Variants in ACACB observed in about 807,000 individuals in gnomAD.
ACACB encodes acetyl-CoA carboxylase beta, also known as acetyl-CoA carboxylase 2.
In ACACB, 209 loss-of-function variants were observed where a neutral mutation model predicts 278.8. The observed-to-expected ratio is 0.75, with a 90% confidence interval of 0.67 to 0.84. The LOEUF (loss-of-function observed/expected upper bound fraction) is 0.84, where lower values mean the gene tolerates loss of function less well. Among genes scored for constraint, ACACB ranks in the 40% least tolerant of loss-of-function variants. ACACB has a pLI of 0.00. For missense variants in ACACB, 2,850 were observed against 3,269.0 expected (o/e 0.87, Z 3.13); for synonymous variants, 1,174 against 1,285.6 (o/e 0.91, Z 1.86).
At position 109,210,359 on chromosome 12, in the gene ACACB, A is replaced by G. The variant is rs139480118; in HGVS notation, c.3249+1006A>G. The stretch of plus-strand genomic sequence containing the variant: ...TATACACGCACACACATATCTGTGT[A>G]TATATGTATATACACGCACACACAT... On this transcript the variant is annotated intron_variant, in intron 21 of 52. Coordinates refer to ENST00000338432, the MANE Select transcript of ACACB (RefSeq NM_001093.4). 5.3e-3 allele frequency among the ~76,000 whole-genome samples: 652 copies of G among 122,798 alleles called. 47 individuals are homozygous for G. In the East Asian group the frequency reaches 0.066, roughly 12 times the overall value. 80.6% of individuals were successfully genotyped at this position (122,798 alleles called of 152,430 possible). A position where few individuals can be genotyped will look rare whatever the true frequency, so the allele number is the denominator to read the frequency against.
chr12:109,121,065 A>T (rs2042537136), intron 1 of ACACB, among the ~76,000 whole-genome samples: 2 of 152,020 alleles, frequency 1.3e-5, no homozygotes. Context: ...TCAGCCTCCC[A>T]AGTAGCTGGG....
chr12:109,211,659 C>T (rs142438046), intron 21 of ACACB, among the ~76,000 whole-genome samples: 74 of 152,204 alleles, frequency 4.9e-4, no homozygotes, highest in Admixed American at 1.2e-3. Flanking sequence ...GGAGAGTGAG[C>T]GCTAATGACT....
intron 19 of ACACB, among the ~76,000 whole-genome samples, chr12:109,204,271 C>CTTTTTT (rs58720572): frequency 2.1e-5 from 2 of 93,144 alleles, no homozygotes; most frequent in Non-Finnish European, 2.0e-5. Flanking sequence ...AATACTATAT[C>CTTTTTT]TTTTTTTTTT....
chr12:109,225,911 G>GT lies in ACACB; in HGVS notation c.3883-1460_3883-1459insT, dbSNP rs2046299938. 4.6e-5 allele frequency among the ~76,000 whole-genome samples: 7 copies of GT among 152,238 alleles called. No individual in the cohort carries two copies. The South Asian group carries it at 1.2e-3, about 27-fold the overall frequency. Reference sequence around the variant, plus strand: ...TGAAATGATAATATTTGCATATGTGGGGTGAAATAAAATATATTATTAAAA... The same window carrying GT: ...TGAAATGATAATATTTGCATATGTGGTGGTGAAATAAAATATATTATTAAAA... On this transcript the variant is annotated intron_variant, in intron 27 of 52. Transcript: ENST00000338432.
chr12:109,228,176 A>G (rs1477166450), intron 28 of ACACB, among the ~76,000 whole-genome samples: 1 of 151,586 alleles, frequency 6.6e-6, no homozygotes, highest in African/African-American at 2.4e-5. Context: ...TCTCTACTAA[A>G]AAAAATACAA....
At chr12:109,195,464 G>A (rs1412946848) in intron 16 of ACACB, among the ~76,000 whole-genome samples, 1 of 152,120 alleles carries the variant, frequency 6.6e-6, no homozygotes, top group Non-Finnish European at 1.5e-5. Flanking sequence ...TACCTTTGGG[G>A]ACCTAGCTGC....
At chr12:109,135,280 T>G (rs1471119615) in intron 1 of ACACB, among the ~76,000 whole-genome samples, 1 of 152,202 alleles carries the variant, frequency 6.6e-6, no homozygotes, top group Non-Finnish European at 1.5e-5. Flanking sequence ...CCTAAGCATG[T>G]TGAATATCTT....
At chr12:109,199,379 A>G (rs1341144245) in intron 17 of ACACB, 23 bp from the exon 18 acceptor site, 3 of 1,453,700 alleles carry the variant, frequency 2.1e-6, no homozygotes, top group African/African-American at 1.4e-5. Flanking sequence ...CAGTCTCCCT[A>G]CCCGACTCCT....
At chr12:109,146,839 TA>T (rs892520211) in intron 2 of ACACB, among the ~76,000 whole-genome samples, 2 of 152,214 alleles carry the variant, frequency 1.3e-5, no homozygotes, top group African/African-American at 4.8e-5. Context: ...CACAGCTGGC[TA>T]ATTTTTTTAT....
rs539659019 is a variant in ACACB, at chr12:109,188,239, CTCCCTT to C, written c.2144+78_2144+83del. 499 of 1,327,510 alleles carry C rather than the reference CTCCCTT, an allele frequency of 3.8e-4. 3 individuals are homozygous for C. The highest frequency in any genetic ancestry group is 2.6e-3 in the South Asian group (185 of 71,742). The allele number at this position is 1,327,510 out of a possible 1,614,324, so 82.2% of individuals were successfully genotyped here. ...CTTCCTTCCTTCCTTCCTTCCCTCT[CTCCCTT>C]CTTCCCCTCTTCCTTCCCTCTTTCT... On this transcript the variant is annotated intron_variant, in intron 13 of 52. Transcript: ENST00000338432.
chr12:109,213,397 A>G (rs1348250947), intron 22 of ACACB, among the ~76,000 whole-genome samples: 4 of 152,178 alleles, frequency 2.6e-5, no homozygotes, highest in Non-Finnish European at 4.4e-5. Context: ...AGTGCTGACA[A>G]ATAGTAAATA....
At position 109,266,297 on chromosome 12, in the gene ACACB, A is replaced by T; in HGVS notation, c.7312A>T (p.Ser2438Cys). The T allele has an allele frequency of 1.1e-5, 18 of 1,613,846 alleles. No individual in the cohort carries two copies. The highest frequency in any genetic ancestry group is 1.5e-5 in the Non-Finnish European group (18 of 1,179,974). ...TGTGATATACCTGAGCCAGCACATCAGCCCAGCTGAGCGGGCGCAGGTCGT... is the reference window on the plus strand; with the variant it reads ...TGTGATATACCTGAGCCAGCACATCTGCCCAGCTGAGCGGGCGCAGGTCGT... ...DCVIYLSQHISPAERAQVVHL... is the reference protein window; with the variant it reads ...DCVIYLSQHICPAERAQVVHL... The change falls in exon 53 of 53, where the codon AGC (serine) becomes TGC (cysteine). Residue 2438 changes from serine (S) to cysteine (C), a missense_variant. Physicochemically the swap from Ser to Cys is moderately radical, Grantham distance 112. Around this residue, in one of 3 missense-constraint regions of ACACB, gnomAD observed 579 missense variants for 684.6 expected, o/e 0.85. Coordinates refer to ENST00000338432, the MANE Select transcript of ACACB (RefSeq NM_001093.4).
intron 17 of ACACB, among the ~76,000 whole-genome samples, chr12:109,198,715 G>T (rs1419981939): frequency 1.3e-5 from 2 of 151,930 alleles, no homozygotes; most frequent in Non-Finnish European, 2.9e-5. Flanking sequence ...CAAACTCCTG[G>T]GCTCAAAGGA....
chr12:109,193,965 C>T (rs537121355), intron 16 of ACACB, among the ~76,000 whole-genome samples: 8 of 152,300 alleles, frequency 5.3e-5, no homozygotes, highest in Middle Eastern at 6.8e-3. Flanking sequence ...TTTCCTGTAG[C>T]TGCGGTAACA....
At chr12:109,218,487 G>C (rs1593607540) in intron 24 of ACACB, among the ~76,000 whole-genome samples, 2 of 152,252 alleles carry the variant, frequency 1.3e-5, no homozygotes, top group East Asian at 3.9e-4. Context: ...GCCTCCCAAA[G>C]TGCTGGGATT....
intron 51 of ACACB, 26 bp downstream of exon 51, chr12:109,265,306 G>A (rs375407991): frequency 4.2e-5 from 68 of 1,611,504 alleles, no homozygotes; most frequent in African/African-American, 2.0e-4. Flanking sequence ...GAACGAGGCC[G>A]GTGAGCACAG....
At chr12:109,188,415 T>G (rs2136266390) in intron 13 of ACACB, among the ~76,000 whole-genome samples, 1 of 118,146 alleles carries the variant, frequency 8.5e-6, no homozygotes, top group East Asian at 2.9e-4. Context: ...CCTCCCTTCC[T>G]TCCTCCCGTC....
At chr12:109,242,055 C>T (rs1208929843) in intron 36 of ACACB, 4 of 162,842 alleles carry the variant, frequency 2.5e-5, no homozygotes, top group Middle Eastern at 3.0e-3. Context: ...CACCCAGTTT[C>T]CCCCAATGGT....
rs2044273006 is a variant in ACACB at position 109,176,051 on chromosome 12, A to T, written c.1326+11A>T. On this transcript the variant is annotated intron_variant, in intron 8 of 52. Transcript: ENST00000338432. Reference sequence around the variant, plus strand: ...GATGAGGGCTTGGAGGTAAATGCAGAGCCTGTGGGGGCCAGGGGAGCCAGA... The same window carrying T: ...GATGAGGGCTTGGAGGTAAATGCAGTGCCTGTGGGGGCCAGGGGAGCCAGA... The T allele has an allele frequency of 6.2e-7, 1 of 1,613,844 alleles. No individual in the cohort carries two copies. The highest frequency in any genetic ancestry group is 1.1e-5 in the South Asian group (1 of 91,064).
Sources: gnomAD v4.1 joint callset for allele counts (sites outside exome capture counted in the v4.1 genomes callset) on GRCh38, gnomAD v4.1.1 for gene constraint, gnomAD v4.1.1 regional missense constraint, MANE v1.5 for transcripts, NCBI Gene and HGNC (gene_info 2026-07-23, HGNC 2026-07-21) for gene names.